The following NELL2 variants were observed in gnomAD, a reference collection of about 807,000 sequenced individuals.
NELL2 encodes neural EGFL like 2.
In NELL2, 41 loss-of-function variants were observed where a neutral mutation model predicts 109.6. The observed-to-expected ratio is 0.37, with a 90% confidence interval of 0.29 to 0.49. NELL2 has a LOEUF of 0.49. Ranked by LOEUF, NELL2 falls within the 20% of genes least tolerant of loss-of-function variation. The pLI, the probability that NELL2 is intolerant of heterozygous loss-of-function variation, is 0.98. For synonymous variants in NELL2, 355 were observed against 344.7 expected (o/e 1.03, Z -0.33); for missense variants, 900 against 1,008.3 (o/e 0.89, Z 1.45).
At chr12:44,657,572 T>G (rs762906857) in intron 13 of NELL2, among the ~76,000 whole-genome samples, 2 of 152,202 alleles carry the variant, frequency 1.3e-5, no homozygotes, top group Non-Finnish European at 2.9e-5. Flanking sequence ...GGTGGTTTGC[T>G]GCACCCATCA....
At chr12:44,776,267 T>C in intron 7 of NELL2, 117 bp from the exon 8 acceptor site, 1 of 913,690 alleles carries the variant, frequency 1.1e-6, no homozygotes, top group Non-Finnish European at 1.6e-6. Flanking sequence ...GCTGTGCTTA[T>C]CAACCACTTG....
At position 44,642,702 on chromosome 12, in the gene NELL2, T is replaced by G. The variant is rs1946907049; in HGVS notation, c.1444+22782A>C. 2.0e-5 allele frequency among the ~76,000 whole-genome samples: 3 copies of G among 152,054 alleles called. No individual in the cohort carries two copies. The South Asian group carries it at 6.2e-4, about 32-fold the overall frequency. On this transcript the variant is annotated intron_variant, in intron 13 of 19. Coordinates refer to ENST00000429094, the MANE Select transcript of NELL2 (RefSeq NM_001145108.2). ...TTCAAGACCAGCCTGGCCAACATGATGAAACCCTATCTCTACTAAAAATAC... is the reference window on the plus strand; with the variant it reads ...TTCAAGACCAGCCTGGCCAACATGAGGAAACCCTATCTCTACTAAAAATAC...
chr12:44,776,226 C>CT (rs1490520914), intron 7 of NELL2, 76 bp from the exon 8 acceptor site: 362 of 1,470,212 alleles, frequency 2.5e-4, no homozygotes, highest in African/African-American at 9.4e-4. Flanking sequence ...CCGCAGGTAT[C>CT]TTTTTTTTAA....
chr12:44,593,919 T>C (rs192426430), intron 15 of NELL2, among the ~76,000 whole-genome samples: 1 of 152,270 alleles, frequency 6.6e-6, no homozygotes, highest in Non-Finnish European at 1.5e-5. Context: ...AAAGAAAATG[T>C]GGCACATATA....
At position 44,517,178 on chromosome 12, in the gene NELL2, C is replaced by T. The variant is rs569870858; in HGVS notation, c.2400+2827G>A. On this transcript the variant is annotated intron_variant, in intron 19 of 19. Coordinates refer to ENST00000429094, the MANE Select transcript of NELL2 (RefSeq NM_001145108.2). The stretch of plus-strand genomic sequence containing the variant: ...TTTGTGAAATAATGTTTTCTTCCTC[C>T]ATTGATCTGCAAAGTCCTGATCATA... Among the ~76,000 whole-genome samples the T allele has an allele frequency of 4.6e-5, 7 of 151,976 alleles. No homozygotes were observed. In the South Asian group the frequency reaches 1.5e-3, roughly 32 times the overall value.
At chr12:44,732,911 A>T (rs944474601) in intron 9 of NELL2, among the ~76,000 whole-genome samples, 13 of 152,074 alleles carry the variant, frequency 8.5e-5, no homozygotes, top group African/African-American at 2.7e-4. Context: ...ATTTCTCCAA[A>T]AAAGATATAT....
intron 1 of NELL2, among the ~76,000 whole-genome samples, chr12:44,892,477 ATCT>A (rs1256033322): frequency 2.6e-5 from 4 of 152,158 alleles, no homozygotes; most frequent in Admixed American, 1.3e-4. Context: ...TATAAGGTAA[ATCT>A]TCTTCTTATC....
At chr12:44,815,871 C>T in intron 3 of NELL2, 115 bp downstream of exon 3, 1 of 1,198,318 alleles carries the variant, frequency 8.3e-7, no homozygotes, top group Non-Finnish European at 1.1e-6. Context: ...CCCACCTCGG[C>T]TTCCCAAATC....
chr12:44,790,105 A>T (rs1942325680), intron 3 of NELL2, among the ~76,000 whole-genome samples: 1 of 152,202 alleles, frequency 6.6e-6, no homozygotes, highest in African/African-American at 2.4e-5. Flanking sequence ...CTAGACATCC[A>T]AATACAAAAA....
chr12:44,706,482 G>A (rs1039005498), intron 11 of NELL2, among the ~76,000 whole-genome samples: 3 of 152,062 alleles, frequency 2.0e-5, no homozygotes, highest in African/African-American at 7.2e-5. Flanking sequence ...CTTGGCTATT[G>A]GAGTTGGCAG....
chr12:44,664,209 A>G (rs1947846301), intron 13 of NELL2, among the ~76,000 whole-genome samples: 1 of 152,064 alleles, frequency 6.6e-6, no homozygotes, highest in Non-Finnish European at 1.5e-5. Context: ...TCTTCCACTC[A>G]ATGTACTTAA....
intron 13 of NELL2, among the ~76,000 whole-genome samples, chr12:44,615,268 C>T (rs969857767): frequency 5.9e-5 from 9 of 151,914 alleles, no homozygotes; most frequent in Non-Finnish European, 1.3e-4. Context: ...GGTGCAGATT[C>T]CCAATTAAAA....
intron 12 of NELL2, among the ~76,000 whole-genome samples, chr12:44,682,870 T>G (rs1948573444): frequency 6.6e-6 from 1 of 152,202 alleles, no homozygotes; most frequent in Non-Finnish European, 1.5e-5. Context: ...CCAGCTTTGT[T>G]CTTTTGGCTT....
rs1261568445 is a variant in NELL2, at chr12:44,776,078, T to A, written c.835A>T (p.Thr279Ser). The change falls in exon 8 of 20, where the codon ACC becomes TCC. Residue 279 changes from threonine (T) to serine (S), a missense_variant. Thr to Ser is a moderately conservative substitution (Grantham distance 58). Transcript: ENST00000429094. ...YCERTCTMKG[T>S]TYREFESWID... Reference sequence around the variant, plus strand: ...CAGGACTCAAATTCTCGGTAGGTGGTTCCCTTCATGGTGCAAGTCCTTTCA... The same window carrying A: ...CAGGACTCAAATTCTCGGTAGGTGGATCCCTTCATGGTGCAAGTCCTTTCA... 6.2e-7 allele frequency: 1 copy of A among 1,614,096 alleles called. No individual in the cohort carries two copies. Among genetic ancestry groups the A allele is most frequent in the Admixed American group, 1.7e-5 (1 of 60,020 alleles).
chr12:44,743,624 A>T (rs1352933863), intron 9 of NELL2, among the ~76,000 whole-genome samples: 1 of 152,210 alleles, frequency 6.6e-6, no homozygotes, highest in Non-Finnish European at 1.5e-5. Flanking sequence ...GCAAATGGAA[A>T]ATAAAAAAAG....
At chr12:44,898,331 C>T (rs1368565182) in intron 1 of NELL2, among the ~76,000 whole-genome samples, 30 of 152,110 alleles carry the variant, frequency 2.0e-4, no homozygotes, top group Admixed American at 1.8e-3. Flanking sequence ...CAGCAGGGGT[C>T]GACAGACATG....
intron 9 of NELL2, among the ~76,000 whole-genome samples, chr12:44,764,040 GA>G (rs1861092072): frequency 6.6e-6 from 1 of 152,130 alleles, no homozygotes; most frequent in East Asian, 1.9e-4. Flanking sequence ...TGGGAAATTA[GA>G]CAGATGTGAT....
At chr12:44,555,643 C>T (rs1409452929) in intron 15 of NELL2, among the ~76,000 whole-genome samples, 4 of 152,090 alleles carry the variant, frequency 2.6e-5, no homozygotes, top group Admixed American at 2.0e-4. Context: ...TTCAGGCCCA[C>T]TGTATTAAAA....
intron 15 of NELL2, among the ~76,000 whole-genome samples, chr12:44,545,534 G>A (rs1592097328): frequency 6.6e-6 from 1 of 152,144 alleles, no homozygotes; most frequent in Non-Finnish European, 1.5e-5. Context: ...TAAATATTAT[G>A]AGGTCTACAG....
Sources: gnomAD v4.1 joint callset for allele counts (sites outside exome capture counted in the v4.1 genomes callset) on GRCh38, gnomAD v4.1.1 for gene constraint, MANE v1.5 for transcripts, NCBI Gene and HGNC (gene_info 2026-07-23, HGNC 2026-07-21) for gene names.